Variants in TRAF3 observed in about 807,000 individuals in gnomAD.
TRAF3 encodes the protein TNF receptor-associated factor 3.
Under a neutral mutation model 62.3 loss-of-function variants are expected in TRAF3, and 13 were observed. The ratio of observed to expected loss-of-function variants is 0.21; its 90% CI spans 0.14 to 0.33. The LOEUF (loss-of-function observed/expected upper bound fraction) is 0.33. Ranked by LOEUF, TRAF3 falls within the 10% of genes least tolerant of loss-of-function variation. TRAF3 has a pLI of 1.00. For missense variants in TRAF3, 440 were observed against 741.8 expected, an observed-to-expected ratio of 0.59 and a Z score of 4.73; for synonymous variants, 269 against 283.4, an observed-to-expected ratio of 0.95 and a Z score of 0.51.
intron 2 of TRAF3, among the ~76,000 whole-genome samples, chr14:102,862,818 C>T (rs898538103): frequency 6.6e-6 from 1 of 152,056 alleles, no homozygotes; most frequent in Admixed American, 6.6e-5. Context: ...CTGTTCCTTA[C>T]ACTTTATAAT....
intron 10 of TRAF3, among the ~76,000 whole-genome samples, chr14:102,902,306 C>G (rs1461466787): frequency 6.6e-6 from 1 of 152,202 alleles, no homozygotes; most frequent in Admixed American, 6.5e-5. Context: ...CACTGGGTTT[C>G]ACCTAGGGCC....
chr14:102,819,062 A>G (rs1407661629), intron 1 of TRAF3, among the ~76,000 whole-genome samples: 1 of 151,620 alleles, frequency 6.6e-6, no homozygotes, highest in Non-Finnish European at 1.5e-5. Flanking sequence ...CTCTAAAAAA[A>G]AAAAAAGTGA....
chr14:102,897,077 G>A lies in TRAF3; in HGVS notation c.820-184G>A, dbSNP rs191035706. ...GACAGAGCAAGACCCTGTCTCTAGA[G>A]GGGAAAAAAAAGAAAGAAAGAAAAG... is the stretch of plus-strand genomic sequence containing the variant. On this transcript the variant is annotated intron_variant, in intron 9 of 11. Coordinates refer to ENST00000392745, the MANE Select transcript of TRAF3 (RefSeq NM_145725.3). 5.7e-3 allele frequency among the ~76,000 whole-genome samples: 873 copies of A among 151,880 alleles called. 9 individuals carry two copies. The highest frequency in any genetic ancestry group is 0.01 in the Admixed American group (153 of 15,248).
At chr14:102,898,026 C>T (rs142636472) in intron 10 of TRAF3, among the ~76,000 whole-genome samples, 1 of 152,368 alleles carries the variant, frequency 6.6e-6, no homozygotes, top group East Asian at 1.9e-4. Flanking sequence ...CATTCACTTA[C>T]TCGTGTGCAT....
intron 1 of TRAF3, among the ~76,000 whole-genome samples, chr14:102,778,114 G>T (rs1193688504): frequency 6.6e-6 from 1 of 150,670 alleles, no homozygotes; most frequent in African/African-American, 2.4e-5. Flanking sequence ...CGGCCGGGGG[G>T]GCCCGGGCGT....
intron 9 of TRAF3, among the ~76,000 whole-genome samples, chr14:102,893,893 A>G (rs1231470103): frequency 3.9e-5 from 6 of 152,240 alleles, no homozygotes; most frequent in African/African-American, 1.4e-4. Context: ...GTCCAAAAGC[A>G]AAGGCTGGAC....
Position 102,826,532 on chromosome 14 carries a change from G to A in TRAF3, c.-156-3802G>A, listed in dbSNP as rs1191836538. 5.3e-5 allele frequency among the ~76,000 whole-genome samples: 8 copies of A among 152,188 alleles called. No individual in the cohort carries two copies. The highest frequency in any genetic ancestry group is 2.9e-5 in the Non-Finnish European group (2 of 68,040). On this transcript the variant is annotated intron_variant, in intron 1 of 11. Transcript: ENST00000392745. This position sits in a 1 kb window ranked among gnomAD's most constrained non-coding sequence, Gnocchi z 4.6. ...TCAGTGAAGACGTCCTGGAGGAGAA[G>A]ATTCCAGAGCCTGAGATGTGAAGTA...
chr14:102,818,089 C>A (rs866490238), intron 1 of TRAF3, among the ~76,000 whole-genome samples: 1 of 152,172 alleles, frequency 6.6e-6, no homozygotes, highest in Non-Finnish European at 1.5e-5. Flanking sequence ...CAGGCAGGGC[C>A]TACTAGGCTT....
intron 2 of TRAF3, among the ~76,000 whole-genome samples, chr14:102,832,395 C>T (rs749158591): frequency 3.3e-5 from 5 of 152,146 alleles, no homozygotes; most frequent in Non-Finnish European, 5.9e-5. Flanking sequence ...AAGCACTGGC[C>T]GGGCGTGGTG....
rs1186407796 is a variant in TRAF3 at position 102,910,544 on chromosome 14, AC to A, written c.*4761del. 6.6e-6 allele frequency: 1 copy of A among 152,406 alleles called. No individual in the cohort carries two copies. The highest frequency in any genetic ancestry group is 1.5e-5 in the Non-Finnish European group (1 of 68,172). The allele number at this position is 152,406 out of a possible 1,614,324, so 9.4% of individuals were successfully genotyped here. On this transcript the variant is annotated 3_prime_UTR_variant, in exon 12 of 12. Transcript: ENST00000392745. ...CAGGCTGATGCTGATGGTCACAGGCACGGTGGCATCAGGGAGCCGGGCCAGC... is the reference window on the plus strand; with the variant it reads ...CAGGCTGATGCTGATGGTCACAGGCAGGTGGCATCAGGGAGCCGGGCCAGC...
chr14:102,823,073 T>C (rs1595332037), intron 1 of TRAF3, among the ~76,000 whole-genome samples: 1 of 152,122 alleles, frequency 6.6e-6, no homozygotes, highest in Non-Finnish European at 1.5e-5. Context: ...ATTGTGCTTA[T>C]GTTACCACAT....
At position 102,905,838 on chromosome 14, in the gene TRAF3, A is replaced by T. The variant is rs1424698577; in HGVS notation, c.*54A>T. ...AAGGCAACTCCTCTGGGGGATTTGAACCGGTCTGTCTTCACTGAGGTCCTC... is the reference window on the plus strand; with the variant it reads ...AAGGCAACTCCTCTGGGGGATTTGATCCGGTCTGTCTTCACTGAGGTCCTC... On this transcript the variant is annotated 3_prime_UTR_variant, in exon 12 of 12. Coordinates refer to ENST00000392745, the MANE Select transcript of TRAF3 (RefSeq NM_145725.3). 3.3e-6 allele frequency: 5 copies of T among 1,523,498 alleles called. No individual in the cohort carries two copies. The African/African-American group carries it at 6.9e-5, about 21-fold the overall frequency. 94.4% of individuals were successfully genotyped at this position (1,523,498 alleles called of 1,614,324 possible). A position where few individuals can be genotyped will look rare whatever the true frequency, so the allele number is the denominator to read the frequency against.
intron 2 of TRAF3, among the ~76,000 whole-genome samples, chr14:102,859,223 C>T (rs920488268): frequency 4.6e-5 from 7 of 150,616 alleles, no homozygotes; most frequent in Non-Finnish European, 8.9e-5. Context: ...ATTCACATGT[C>T]TCCTTCTCTT....
intron 1 of TRAF3, among the ~76,000 whole-genome samples, chr14:102,817,714 TCATATC>T (rs1314570304): frequency 2.6e-5 from 4 of 152,220 alleles, no homozygotes; most frequent in Non-Finnish European, 5.9e-5. Context: ...ATGTAATACT[TCATATC>T]CATTGAGTTG....
intron 1 of TRAF3, among the ~76,000 whole-genome samples, chr14:102,806,555 C>T (rs959197388): frequency 3.9e-5 from 6 of 152,198 alleles, no homozygotes; most frequent in South Asian, 2.1e-4. Flanking sequence ...GCTTCAGCTT[C>T]GGACCTGCAT....
chr14:102,902,234 G>A (rs974205350), intron 10 of TRAF3, among the ~76,000 whole-genome samples: 3 of 152,268 alleles, frequency 2.0e-5, no homozygotes, highest in Admixed American at 1.3e-4. Flanking sequence ...CTCCCTCGCT[G>A]GGGCCTGGCA....
At chr14:102,849,832 C>A (rs544748412) in intron 2 of TRAF3, among the ~76,000 whole-genome samples, 2 of 152,232 alleles carry the variant, frequency 1.3e-5, no homozygotes, top group African/African-American at 4.8e-5. Context: ...GCAGGGCACA[C>A]CTGTCTGTTC....
intron 6 of TRAF3, among the ~76,000 whole-genome samples, chr14:102,881,483 AAC>A (rs1462042881): frequency 3.3e-5 from 5 of 152,302 alleles, no homozygotes; most frequent in South Asian, 4.2e-4. Context: ...TTAGCAAACT[AAC>A]ACAGGAACAG....
intron 1 of TRAF3, among the ~76,000 whole-genome samples, chr14:102,788,325 A>G (rs1365776620): frequency 4.6e-5 from 7 of 152,172 alleles, no homozygotes; most frequent in Admixed American, 4.6e-4. Flanking sequence ...GCTCAGCCGT[A>G]TTTAGTGTAT....
Sources: allele counts gnomAD v4.1 joint callset (sites outside exome capture counted in the v4.1 genomes callset), GRCh38; gene constraint gnomAD v4.1.1; non-coding constraint Gnocchi (gnomAD v3.1); transcripts MANE v1.5; gene names NCBI Gene and HGNC (gene_info 2026-07-23, HGNC 2026-07-21).